The following PPP1R9A variants were observed in gnomAD, a reference collection of about 807,000 sequenced individuals.
PPP1R9A encodes neurabin-1.
A neutral mutation model predicts 141.9 loss-of-function variants in PPP1R9A; 59 were observed. That is an observed-to-expected ratio of 0.42 (90% CI 0.34 to 0.52). PPP1R9A has a LOEUF of 0.52. PPP1R9A is among the 20% of genes least tolerant of loss of function. PPP1R9A has a pLI of 0.10. For synonymous variants in PPP1R9A, 500 were observed against 569.7 expected, an observed-to-expected ratio of 0.88 and a Z score of 1.74; for missense variants, 1,444 against 1,611.9, an observed-to-expected ratio of 0.90 and a Z score of 1.78.
chr7:95,144,596 AC>A (rs2152591959), intron 4 of PPP1R9A, among the ~76,000 whole-genome samples: 1 of 152,272 alleles, frequency 6.6e-6, no homozygotes, highest in Non-Finnish European at 1.5e-5. Flanking sequence ...GTACCGCGGC[AC>A]AATAAAGTCC....
intron 19 of PPP1R9A, among the ~76,000 whole-genome samples, chr7:95,289,698 T>C (rs1806044720): frequency 6.6e-6 from 1 of 152,204 alleles, no homozygotes; most frequent in Non-Finnish European, 1.5e-5. Flanking sequence ...CTTCTTGCCC[T>C]TCTTGGAGCC....
At chr7:95,199,718 A>G (rs564944464) in intron 6 of PPP1R9A, among the ~76,000 whole-genome samples, 3 of 152,290 alleles carry the variant, frequency 2.0e-5, no homozygotes, top group East Asian at 1.9e-4. Flanking sequence ...TGGCAAGTAT[A>G]TTTTCATTAC....
At chr7:95,167,572 A>G (rs2512578) in intron 5 of PPP1R9A, among the ~76,000 whole-genome samples, 1 of 152,196 alleles carries the variant, frequency 6.6e-6, no homozygotes. Context: ...AGAAAGAAAT[A>G]AAAGGCATCT....
intron 8 of PPP1R9A, among the ~76,000 whole-genome samples, chr7:95,229,824 T>C (rs1342539086): frequency 6.6e-6 from 1 of 152,116 alleles, no homozygotes; most frequent in Non-Finnish European, 1.5e-5. Flanking sequence ...CATGTGCTCT[T>C]GAAAGTGCCA....
intron 5 of PPP1R9A, among the ~76,000 whole-genome samples, chr7:95,193,900 A>T (rs1269278879): frequency 6.6e-6 from 1 of 152,106 alleles, no homozygotes; most frequent in Non-Finnish European, 1.5e-5. Flanking sequence ...TATTCCTATT[A>T]GAAAAACTGT....
intron 8 of PPP1R9A, among the ~76,000 whole-genome samples, chr7:95,239,659 G>A (rs184107331): frequency 6.6e-6 from 1 of 151,904 alleles, no homozygotes; most frequent in Non-Finnish European, 1.5e-5. Context: ...CAAGATATAG[G>A]TGTTCCCACC....
rs527640048 is a variant in PPP1R9A, at chr7:95,027,124, C to T, written c.1396-84135C>T. Among the ~76,000 whole-genome samples the T allele has an allele frequency of 4.6e-5, 7 of 152,150 alleles. No individual in the cohort carries two copies. In the South Asian group the frequency reaches 1.0e-3, roughly 23 times the overall value. On this transcript the variant is annotated intron_variant, in intron 2 of 19. Coordinates refer to ENST00000433360, the MANE Select transcript of PPP1R9A (RefSeq NM_001166160.2). Reference sequence around the variant, plus strand: ...GTCTTGCTGGTGTTACAGGTGCCACCGGGGTATGAAAAAATACTCCTGCAG... The same window carrying T: ...GTCTTGCTGGTGTTACAGGTGCCACTGGGGTATGAAAAAATACTCCTGCAG...
intron 5 of PPP1R9A, among the ~76,000 whole-genome samples, chr7:95,181,138 CAA>C (rs1274650876): frequency 6.8e-6 from 1 of 148,100 alleles, no homozygotes; most frequent in Non-Finnish European, 1.5e-5. Context: ...GCCCATCAAT[CAA>C]AGAGTCGATA....
chr7:94,958,854 C>T (rs1527677), intron 2 of PPP1R9A, among the ~76,000 whole-genome samples: 95,786 of 151,786 alleles, frequency 0.63, 31,437 homozygotes, highest in East Asian at 1. Flanking sequence ...TTAAATTTCC[C>T]TAAGAGCTTT....
At chr7:95,101,133 T>G (rs974900420) in intron 2 of PPP1R9A, among the ~76,000 whole-genome samples, 6 of 152,168 alleles carry the variant, frequency 3.9e-5, no homozygotes, top group African/African-American at 1.4e-4. Flanking sequence ...ATTACAGGCG[T>G]GAGCCACCGC....
chr7:95,086,916 C>T (rs1462962001), intron 2 of PPP1R9A, among the ~76,000 whole-genome samples: 1 of 151,930 alleles, frequency 6.6e-6, no homozygotes, highest in African/African-American at 2.4e-5. Context: ...GAGCAAGTGG[C>T]TCACACCTGT....
At chr7:95,029,209 C>G (rs1051133648) in intron 2 of PPP1R9A, among the ~76,000 whole-genome samples, 3 of 152,052 alleles carry the variant, frequency 2.0e-5, no homozygotes, top group African/African-American at 7.2e-5. Flanking sequence ...ATCTTTTTCA[C>G]AGGGTGAGGA....
intron 2 of PPP1R9A, among the ~76,000 whole-genome samples, chr7:95,081,288 A>T (rs1390813490): frequency 6.6e-6 from 1 of 152,226 alleles, no homozygotes; most frequent in Non-Finnish European, 1.5e-5. Context: ...GAGCATAACA[A>T]GGAGAAAAAT....
chr7:95,290,500 C>G lies in PPP1R9A; in HGVS notation c.*197C>G. 1.7e-6 allele frequency: 1 copy of G among 599,206 alleles called. No homozygotes were observed. 37.1% of individuals were successfully genotyped at this position (599,206 alleles called of 1,614,324 possible). On this transcript the variant is annotated 3_prime_UTR_variant, in exon 20 of 20. Transcript: ENST00000433360. ...TTAATTTTAACTACTAAAATAATCCCAAGCCACCTTTGGTTCATTAACAAA... is the reference window on the plus strand; with the variant it reads ...TTAATTTTAACTACTAAAATAATCCGAAGCCACCTTTGGTTCATTAACAAA...
intron 4 of PPP1R9A, among the ~76,000 whole-genome samples, chr7:95,152,189 A>T (rs905545800): frequency 6.6e-6 from 1 of 151,856 alleles, no homozygotes; most frequent in African/African-American, 2.4e-5. Flanking sequence ...TGACCTCGTG[A>T]TCCACCCGCC....
At chr7:95,202,619 C>T in intron 6 of PPP1R9A, 1 of 906,772 alleles carries the variant, frequency 1.1e-6, no homozygotes. Flanking sequence ...AGCACTATTT[C>T]ATGACACTCG....
intron 2 of PPP1R9A, among the ~76,000 whole-genome samples, chr7:95,024,988 T>C (rs527438168): frequency 6.6e-6 from 1 of 152,186 alleles, no homozygotes; most frequent in South Asian, 2.1e-4. Flanking sequence ...AGAAAATCTC[T>C]CAGCCTTTGC....
chr7:95,144,327 T>C (rs912470038), intron 4 of PPP1R9A, among the ~76,000 whole-genome samples: 1 of 152,204 alleles, frequency 6.6e-6, no homozygotes, highest in Admixed American at 6.5e-5. Context: ...AGATTTCCTT[T>C]TTTAAGGCTG....
intron 2 of PPP1R9A, among the ~76,000 whole-genome samples, chr7:95,078,414 T>C (rs865936625): frequency 6.6e-6 from 1 of 151,748 alleles, no homozygotes. Context: ...AAGTCTTTGC[T>C]ATTGTGAATA....
Sources: allele counts gnomAD v4.1 joint callset (sites outside exome capture counted in the v4.1 genomes callset), GRCh38; gene constraint gnomAD v4.1.1; transcripts MANE v1.5; gene names NCBI Gene and HGNC (gene_info 2026-07-23, HGNC 2026-07-21).